Variants in ADK observed in about 807,000 individuals in gnomAD.
The protein encoded by ADK is N6,N6-dimethyladenosine kinase.
Under a neutral mutation model 44.7 loss-of-function variants are expected in ADK, and 24 were observed. The ratio of observed to expected loss-of-function variants is 0.54; its 90% confidence interval spans 0.39 to 0.76. ADK has a LOEUF of 0.76. Ranked by LOEUF, ADK falls within the 30% of genes least tolerant of loss-of-function variation. ADK has a pLI of 0.00. For synonymous variants in ADK, 128 were observed against 142.6 expected, an observed-to-expected ratio of 0.90 and a Z score of 0.73; for missense variants, 321 against 425.1, an observed-to-expected ratio of 0.76 and a Z score of 2.15.
chr10:74,465,017 T>A (rs1417460702), intron 6 of ADK, among the ~76,000 whole-genome samples: 1 of 152,204 alleles, frequency 6.6e-6, no homozygotes, highest in African/African-American at 2.4e-5. Flanking sequence ...TCAGGGTGCT[T>A]ACCTTTCAGT....
chr10:74,526,042 G>C (rs1174033398), intron 7 of ADK, among the ~76,000 whole-genome samples: 1 of 152,136 alleles, frequency 6.6e-6, no homozygotes, highest in Non-Finnish European at 1.5e-5. Context: ...AGTTTTTACA[G>C]ATGGATACCT....
At chr10:74,517,365 C>A (rs1848626945) in intron 6 of ADK, among the ~76,000 whole-genome samples, 1 of 151,662 alleles carries the variant, frequency 6.6e-6, no homozygotes, top group Admixed American at 6.6e-5. Context: ...TTATAACATA[C>A]CTGAAGTTGG....
intron 8 of ADK, among the ~76,000 whole-genome samples, chr10:74,597,833 GCTATGGAAACATT>G (rs1851974172): frequency 6.6e-6 from 1 of 152,054 alleles, no homozygotes; most frequent in African/African-American, 2.4e-5. Flanking sequence ...CTACTTTGGG[GCTATGGAAACATT>G]CTATTTTATC....
chr10:74,268,918 T>A (rs968154205), intron 3 of ADK, among the ~76,000 whole-genome samples: 2 of 152,226 alleles, frequency 1.3e-5, no homozygotes, highest in African/African-American at 4.8e-5. Flanking sequence ...TTATGATAAA[T>A]GGTTTTATTG....
At chr10:74,502,110 T>G (rs1847904318) in intron 6 of ADK, among the ~76,000 whole-genome samples, 1 of 152,108 alleles carries the variant, frequency 6.6e-6, no homozygotes, top group Non-Finnish European at 1.5e-5. Context: ...CTCATCAAGA[T>G]TAAATACTAT....
chr10:74,463,740 A>T (rs765363642), intron 6 of ADK, among the ~76,000 whole-genome samples: 5 of 152,186 alleles, frequency 3.3e-5, no homozygotes, highest in Non-Finnish European at 7.3e-5. Flanking sequence ...GAGGCTAAAA[A>T]CAAACTTGTC....
rs368693203 is a variant in ADK at position 74,499,470 on chromosome 10, C to T, written c.556-25786C>T. On this transcript the variant is annotated intron_variant, in intron 6 of 10. Transcript: ENST00000539909. ...TTGGGAGGCCGAGGCGGGTGGATCA[C>T]GAGGTCAGGAGATCGAGACCATCCT... Among the ~76,000 whole-genome samples, 14 of 152,216 alleles carry T rather than the reference C, an allele frequency of 9.2e-5. No individual in the cohort carries two copies. The East Asian group carries it at 1.9e-3, about 21-fold the overall frequency.
chr10:74,525,741 C>T (rs1849011157), intron 7 of ADK, among the ~76,000 whole-genome samples: 1 of 151,928 alleles, frequency 6.6e-6, no homozygotes, highest in Non-Finnish European at 1.5e-5. Context: ...TACAACCTCT[C>T]CTTCCCGGGT....
chr10:74,240,401 T>TGTGTGTGTGTGC (rs397961905), intron 3 of ADK, among the ~76,000 whole-genome samples: 6 of 151,432 alleles, frequency 4.0e-5, no homozygotes, highest in Non-Finnish European at 5.9e-5. Flanking sequence ...TGTGTGTGTG[T>TGTGTGTGTGTGC]CTGTGTGTGT....
intron 3 of ADK, among the ~76,000 whole-genome samples, chr10:74,311,499 A>G (rs1840431006): frequency 6.6e-6 from 1 of 152,354 alleles, no homozygotes; most frequent in Non-Finnish European, 1.5e-5. Flanking sequence ...ATATTATGCT[A>G]GAGCTTGTAG....
At chr10:74,569,547 A>G (rs1850849323) in intron 7 of ADK, among the ~76,000 whole-genome samples, 1 of 152,068 alleles carries the variant, frequency 6.6e-6, no homozygotes, top group African/African-American at 2.4e-5. Flanking sequence ...GCATTTTTTC[A>G]TGTGTCTTTT....
chr10:74,624,064 G>A (rs1853094497), intron 9 of ADK, among the ~76,000 whole-genome samples: 1 of 152,074 alleles, frequency 6.6e-6, no homozygotes, highest in Non-Finnish European at 1.5e-5. Context: ...TAACTGAATG[G>A]CTAAAATTTT....
chr10:74,690,069 G>C (rs1009911016), intron 10 of ADK, among the ~76,000 whole-genome samples: 1 of 152,202 alleles, frequency 6.6e-6, no homozygotes, highest in African/African-American at 2.4e-5. Context: ...ATTCCCATTT[G>C]ATCTCTCTGC....
At chr10:74,689,018 C>T (rs189704837) in intron 10 of ADK, among the ~76,000 whole-genome samples, 184 of 152,060 alleles carry the variant, frequency 1.2e-3, no homozygotes, top group Middle Eastern at 3.4e-3. Context: ...TTTGGGAGGC[C>T]GAGACCGGAT....
chr10:74,610,017 T>C (rs1181636097), intron 9 of ADK, among the ~76,000 whole-genome samples: 2 of 152,110 alleles, frequency 1.3e-5, no homozygotes, highest in African/African-American at 4.8e-5. Flanking sequence ...AAGGGAGTGC[T>C]GGGCACTGAA....
At chr10:74,411,636 G>A (rs1056168090) in intron 6 of ADK, among the ~76,000 whole-genome samples, 8 of 152,186 alleles carry the variant, frequency 5.3e-5, no homozygotes, top group Non-Finnish European at 1.2e-4. Flanking sequence ...CAGTGTTGAT[G>A]GCTGCTGACT....
intron 7 of ADK, among the ~76,000 whole-genome samples, chr10:74,588,217 C>A (rs977328300): frequency 5.9e-5 from 9 of 151,994 alleles, no homozygotes; most frequent in Non-Finnish European, 8.8e-5. Flanking sequence ...TTTCTAAATA[C>A]CTCAGGATTC....
chr10:74,199,421 C>CATCTCCCAGT (rs1843290649), intron 1 of ADK, among the ~76,000 whole-genome samples: 1 of 152,166 alleles, frequency 6.6e-6, no homozygotes, highest in African/African-American at 2.4e-5. Context: ...TTAGCTTCCA[C>CATCTCCCAGT]TTATAAGTGA....
rs141404025 is a variant in ADK, at chr10:74,466,572, C to T, written c.556-58684C>T. The stretch of plus-strand genomic sequence containing the variant: ...ACTGCAGGATTACTCTGGCGTTTTA[C>T]TAGTCCCTTGCAGCACTCGCAAGTC... On this transcript the variant is annotated intron_variant, in intron 6 of 10. Coordinates refer to ENST00000539909, the MANE Select transcript of ADK (RefSeq NM_006721.4). Among the ~76,000 whole-genome samples the T allele has an allele frequency of 3.3e-3, 496 of 152,238 alleles. 1 individual carries two copies. The highest frequency in any genetic ancestry group is 0.011 in the African/African-American group (461 of 41,572).
Sources: allele counts gnomAD v4.1 joint callset (sites outside exome capture counted in the v4.1 genomes callset), GRCh38; gene constraint gnomAD v4.1.1; transcripts MANE v1.5; gene names NCBI Gene and HGNC (gene_info 2026-07-23, HGNC 2026-07-21).